Variants in ARHGEF10L observed in about 807,000 individuals in gnomAD.
The protein encoded by ARHGEF10L is rho guanine nucleotide exchange factor 10-like protein.
A neutral mutation model predicts 141.2 loss-of-function variants in ARHGEF10L; 69 were observed. That is an observed-to-expected ratio of 0.49 (90% CI 0.40 to 0.60). The LOEUF is 0.60. ARHGEF10L is among the 20% of genes least tolerant of loss of function. ARHGEF10L has a pLI of 0.00. For synonymous variants in ARHGEF10L, 711 were observed against 718.5 expected (o/e 0.99, Z 0.17); for missense variants, 1,482 against 1,734.3 (o/e 0.85, Z 2.58).
At chr1:17,539,528 G>T (rs1365372146), upstream of ARHGEF10L, among the ~76,000 whole-genome samples, 2 of 151,926 alleles carry the variant, frequency 1.3e-5, no homozygotes, top group African/African-American at 4.8e-5. This position sits in a 1 kb window ranked among gnomAD's most constrained non-coding sequence, Gnocchi z 6.0. Context: ...GTGGGGGGCC[G>T]GTGGGCTGCC....
chr1:17,647,966 G>C (rs1349959290), intron 21 of ARHGEF10L, among the ~76,000 whole-genome samples: 2 of 152,122 alleles, frequency 1.3e-5, no homozygotes, highest in Non-Finnish European at 2.9e-5. Context: ...GCCCAGCTAG[G>C]GTGGGTGAAC....
chr1:17,606,753 G>T (rs545191903), intron 6 of ARHGEF10L, among the ~76,000 whole-genome samples: 12 of 152,310 alleles, frequency 7.9e-5, no homozygotes, highest in Middle Eastern at 3.4e-3. Flanking sequence ...AACAGATGAA[G>T]AAATGAAACC....
chr1:17,642,809 A>G (rs1571198929), intron 21 of ARHGEF10L, among the ~76,000 whole-genome samples: 1 of 152,160 alleles, frequency 6.6e-6, no homozygotes, highest in South Asian at 2.1e-4. Flanking sequence ...CCCTTGGGCC[A>G]TGCGCTCCCC....
chr1:17,549,851 T>C (rs1204361573), intron 1 of ARHGEF10L, among the ~76,000 whole-genome samples: 2 of 152,214 alleles, frequency 1.3e-5, no homozygotes, highest in East Asian at 1.9e-4. Flanking sequence ...GTGCCTATGA[T>C]GTGGAAGCAC....
intron 9 of ARHGEF10L, chr1:17,618,271 A>AAACC: frequency 1.5e-6 from 1 of 665,082 alleles, no homozygotes; most frequent in Non-Finnish European, 2.2e-6. Context: ...CACCCCGCCC[A>AAACC]CAAGCCCAGC....
intron 25 of ARHGEF10L, among the ~76,000 whole-genome samples, chr1:17,658,744 A>G (rs2062426822): frequency 6.6e-6 from 1 of 152,060 alleles, no homozygotes; most frequent in Non-Finnish European, 1.5e-5. Flanking sequence ...AAGCAGAAGT[A>G]TAAGACTGTA....
chr1:17,612,442 C>G (rs538514515), intron 7 of ARHGEF10L, among the ~76,000 whole-genome samples: 1 of 152,308 alleles, frequency 6.6e-6, no homozygotes, highest in East Asian at 1.9e-4. Flanking sequence ...ATCTATTTAT[C>G]TGTGCATCTA....
rs1368825810 is a variant in ARHGEF10L at position 17,697,129 on chromosome 1, G to A, written c.3589G>A (p.Asp1197Asn). Residue 1197 changes from aspartate (D) to asparagine (N), a missense_variant, in exon 29 of 29, where the codon GAT becomes AAT. Physicochemically the swap from Asp to Asn is conservative, Grantham distance 23. Coordinates refer to ENST00000361221, the MANE Select transcript of ARHGEF10L (RefSeq NM_018125.4). This position sits in a 1 kb window ranked among gnomAD's most constrained non-coding sequence, Gnocchi z 4.8. ...CTCCATGCGGGAGCCGGCGCCTGCT[G>A]ATGGCGCAGCTTTGGAGCACAGCGA... is the stretch of plus-strand genomic sequence containing the variant. ...LLSMREPAPA[D>N]GAALEHSEED... 3 of 1,610,874 alleles carry A rather than the reference G, an allele frequency of 1.9e-6. No individual in the cohort carries two copies. Among genetic ancestry groups the A allele is most frequent in the East Asian group, 4.5e-5 (2 of 44,822 alleles).
At chr1:17,556,850 G>A (rs1451537920) in intron 1 of ARHGEF10L, among the ~76,000 whole-genome samples, 9 of 152,112 alleles carry the variant, frequency 5.9e-5, no homozygotes, top group Non-Finnish European at 8.8e-5. Flanking sequence ...GAAAAAGGCC[G>A]TTAGACTCTT....
At chr1:17,527,126 C>T in the ARHGEF10L span, among the ~76,000 whole-genome samples, 2 of 152,160 alleles carry the variant, frequency 1.3e-5, no homozygotes, top group Non-Finnish European at 2.9e-5. Flanking sequence ...TCTCCTGGGA[C>T]TACCGACTTG....
intron 1 of ARHGEF10L, among the ~76,000 whole-genome samples, chr1:17,565,085 G>C (rs1162681630): frequency 2.6e-5 from 4 of 152,204 alleles, no homozygotes; most frequent in Non-Finnish European, 5.9e-5. Flanking sequence ...CCATGATCAA[G>C]GCAACAGCAG....
intron 25 of ARHGEF10L, among the ~76,000 whole-genome samples, chr1:17,661,095 C>CT (rs1368856411): frequency 2.0e-5 from 3 of 152,104 alleles, no homozygotes; most frequent in Non-Finnish European, 4.4e-5. Context: ...CCCTTATGAG[C>CT]TTTTTTCTGA....
rs748778306 is a variant in ARHGEF10L at position 17,639,780 on chromosome 1, C to T, written c.2172-422C>T. ...CAGCAAACATTTACTGAGCAACTGT[C>T]CCATGCCAGGTGCTGGGAACAGACC... is the stretch of plus-strand genomic sequence containing the variant. On this transcript the variant is annotated intron_variant, in intron 20 of 28. Coordinates refer to ENST00000361221, the MANE Select transcript of ARHGEF10L (RefSeq NM_018125.4). The surrounding 1 kb of genome is among the most constrained non-coding windows in gnomAD (Gnocchi z 4.3). 7.1e-6 allele frequency: 8 copies of T among 1,133,224 alleles called. No individual in the cohort carries two copies. Among genetic ancestry groups the T allele is most frequent in the Non-Finnish European group, 9.5e-6 (8 of 843,270 alleles). The allele number at this position is 1,133,224 out of a possible 1,614,324, so 70.2% of individuals were successfully genotyped here. A position where few individuals can be genotyped will look rare whatever the true frequency, so the allele number is the denominator to read the frequency against.
At position 17,573,851 on chromosome 1, in the gene ARHGEF10L, C is replaced by T. The variant is rs926134013; in HGVS notation, c.-43-6702C>T. Among the ~76,000 whole-genome samples the T allele has an allele frequency of 6.7e-6, 1 of 149,748 alleles. No homozygotes were observed. Among genetic ancestry groups the T allele is most frequent in the Non-Finnish European group, 1.5e-5 (1 of 66,650 alleles). ...GTCAGTGCGGGAGGGTGGGTGCCAC[C>T]GACTCTGGGCTCAGGACAGAGTCTC... On this transcript the variant is annotated intron_variant, in intron 1 of 28. Transcript: ENST00000361221. The surrounding 1 kb of genome is among the most constrained non-coding windows in gnomAD (Gnocchi z 4.8).
chr1:17,615,979 G>C lies in ARHGEF10L; in HGVS notation c.727-115G>C, dbSNP rs2059786457. On this transcript the variant is annotated intron_variant, in intron 8 of 28. Coordinates refer to ENST00000361221, the MANE Select transcript of ARHGEF10L (RefSeq NM_018125.4). This position sits in a 1 kb window ranked among gnomAD's most constrained non-coding sequence, Gnocchi z 4.7. Reference sequence around the variant, plus strand: ...GGCCTTTGCTCACGGACCTGGGAGGGAAGGGTCTGGGTGGTTCTGATCTCT... The same window carrying C: ...GGCCTTTGCTCACGGACCTGGGAGGCAAGGGTCTGGGTGGTTCTGATCTCT... The C allele has an allele frequency of 1.2e-6, 1 of 800,734 alleles. No homozygotes were observed. The highest frequency in any genetic ancestry group is 1.7e-5 in the African/African-American group (1 of 58,418). The allele number at this position is 800,734 out of a possible 1,614,324, so 49.6% of individuals were successfully genotyped here. A position where few individuals can be genotyped will look rare whatever the true frequency, so the allele number is the denominator to read the frequency against.
chr1:17,640,883 T>C (rs1446809211), intron 21 of ARHGEF10L, among the ~76,000 whole-genome samples: 1 of 152,260 alleles, frequency 6.6e-6, no homozygotes, highest in Non-Finnish European at 1.5e-5. Context: ...GATATTTACA[T>C]GCACTTTTCT....
At chr1:17,622,908 C>G in intron 11 of ARHGEF10L, 88 bp from the exon 12 acceptor site, 1 of 1,412,480 alleles carries the variant, frequency 7.1e-7, no homozygotes, top group Non-Finnish European at 9.5e-7. Context: ...CGGGAAGGCC[C>G]ATTCATGGCT....
chr1:17,565,663 T>A (rs913293207), intron 1 of ARHGEF10L, among the ~76,000 whole-genome samples: 3 of 152,156 alleles, frequency 2.0e-5, no homozygotes, highest in African/African-American at 7.2e-5. Flanking sequence ...TTGATGAATA[T>A]GCATAGAGGG....
At chr1:17,588,916 G>T (rs2079290631) in intron 4 of ARHGEF10L, among the ~76,000 whole-genome samples, 4 of 123,408 alleles carry the variant, frequency 3.2e-5, no homozygotes, top group Non-Finnish European at 6.9e-5. Context: ...GGAGGTTGGG[G>T]GGGTTTGAGG....
Sources: gnomAD v4.1 joint callset for allele counts (sites outside exome capture counted in the v4.1 genomes callset) on GRCh38, gnomAD v4.1.1 for gene constraint, Gnocchi (gnomAD v3.1) non-coding constraint, MANE v1.5 for transcripts, NCBI Gene and HGNC (gene_info 2026-07-23, HGNC 2026-07-21) for gene names.